The following PCSK2 variants were observed in gnomAD, a reference collection of about 807,000 sequenced individuals.
PCSK2 encodes the protein proprotein convertase subtilisin/kexin type 2, also known as neuroendocrine convertase 2.
A neutral mutation model predicts 69.7 loss-of-function variants in PCSK2; 14 were observed. That is an observed-to-expected ratio of 0.20 (90% CI 0.13 to 0.31). PCSK2 has a LOEUF of 0.31. Ranked by LOEUF, PCSK2 falls within the 10% of genes least tolerant of loss-of-function variation. The pLI is 1.00. For missense variants in PCSK2, 544 were observed against 842.5 expected, an observed-to-expected ratio of 0.65 and a Z score of 4.39; for synonymous variants, 307 against 320.7, an observed-to-expected ratio of 0.96 and a Z score of 0.46.
At chr20:17,347,797 A>AAAG (rs1208471164) in intron 2 of PCSK2, among the ~76,000 whole-genome samples, 2 of 75,424 alleles carry the variant, frequency 2.7e-5, no homozygotes, top group African/African-American at 5.3e-5. Flanking sequence ...CGAAAGAAAG[A>AAAG]AAGAAAGAAA....
intron 11 of PCSK2, among the ~76,000 whole-genome samples, chr20:17,474,096 G>A (rs1397884420): frequency 3.3e-5 from 5 of 152,284 alleles, no homozygotes; most frequent in Middle Eastern, 3.4e-3. Context: ...GGCTAAGGGG[G>A]TTTCAGTAGA....
intron 2 of PCSK2, among the ~76,000 whole-genome samples, chr20:17,352,412 C>A (rs1202672408): frequency 6.6e-6 from 1 of 152,116 alleles, no homozygotes; most frequent in Non-Finnish European, 1.5e-5. Flanking sequence ...GCAAAAAGAA[C>A]AAAGCTGGAG....
At chr20:17,419,988 A>G (rs1339893188) in intron 6 of PCSK2, among the ~76,000 whole-genome samples, 1 of 152,232 alleles carries the variant, frequency 6.6e-6, no homozygotes, top group Non-Finnish European at 1.5e-5. Flanking sequence ...GGAAGAGAGA[A>G]GACATTTATT....
rs80308773 is a variant in PCSK2, at chr20:17,373,220, C to T, written c.543+3943C>T. Among the ~76,000 whole-genome samples the T allele has an allele frequency of 4.5e-3, 679 of 152,272 alleles. 5 individuals are homozygous for T. Among genetic ancestry groups the T allele is most frequent in the African/African-American group, 0.016 (645 of 41,550 alleles). ...GAATGAGTCCGGGAAGGAAAGGTAGCTTGTAAACGGGGCAGTTATCAAACA... is the reference window on the plus strand; with the variant it reads ...GAATGAGTCCGGGAAGGAAAGGTAGTTTGTAAACGGGGCAGTTATCAAACA... On this transcript the variant is annotated intron_variant, in intron 5 of 11. Transcript: ENST00000262545.
chr20:17,410,627 G>A (rs755705790), intron 6 of PCSK2, among the ~76,000 whole-genome samples: 4 of 152,254 alleles, frequency 2.6e-5, no homozygotes, highest in Non-Finnish European at 5.9e-5. Flanking sequence ...GCTTGGAGGT[G>A]TGTGTTTAGA....
chr20:17,279,113 G>A (rs1323814566), intron 2 of PCSK2, among the ~76,000 whole-genome samples: 3 of 152,062 alleles, frequency 2.0e-5, no homozygotes, highest in Non-Finnish European at 2.9e-5. Context: ...GATAGTGTTG[G>A]ATTCCTCTTT....
At chr20:17,303,290 G>T (rs1989151477) in intron 2 of PCSK2, among the ~76,000 whole-genome samples, 1 of 133,880 alleles carries the variant, frequency 7.5e-6, no homozygotes, top group Admixed American at 8.1e-5. Flanking sequence ...TCTATTACAT[G>T]TATATTATAT....
At chr20:17,364,801 A>G (rs1470188804) in intron 4 of PCSK2, among the ~76,000 whole-genome samples, 1 of 152,204 alleles carries the variant, frequency 6.6e-6, no homozygotes, top group Non-Finnish European at 1.5e-5. Flanking sequence ...TTGCTCATGC[A>G]GTTATGATGT....
At chr20:17,440,598 C>T (rs1390533130) in intron 8 of PCSK2, among the ~76,000 whole-genome samples, 10 of 152,114 alleles carry the variant, frequency 6.6e-5, no homozygotes, top group African/African-American at 9.7e-5. Flanking sequence ...TAGTGGCTCA[C>T]GCCTGTAATC....
chr20:17,354,765 C>A (rs1307766662), intron 2 of PCSK2, among the ~76,000 whole-genome samples: 1 of 151,888 alleles, frequency 6.6e-6, no homozygotes, highest in Non-Finnish European at 1.5e-5. Flanking sequence ...TGGTAGGATA[C>A]TCAGTGAAAA....
chr20:17,426,929 C>T (rs2032260281), intron 6 of PCSK2, among the ~76,000 whole-genome samples: 1 of 152,170 alleles, frequency 6.6e-6, no homozygotes, highest in Non-Finnish European at 1.5e-5. Context: ...TACCTCGTGG[C>T]CCAGCCATAT....
At chr20:17,257,472 A>C (rs1395997587) in intron 1 of PCSK2, among the ~76,000 whole-genome samples, 1 of 152,174 alleles carries the variant, frequency 6.6e-6, no homozygotes, top group African/African-American at 2.4e-5. Context: ...ATACATGCAC[A>C]CATATGTTTA....
chr20:17,316,664 A>G (rs1989698699), intron 2 of PCSK2, among the ~76,000 whole-genome samples: 1 of 152,222 alleles, frequency 6.6e-6, no homozygotes, highest in Admixed American at 6.5e-5. Context: ...AAGTTAGAAT[A>G]ATAACGCAGC....
At chr20:17,259,690 A>T (rs969253728) in intron 1 of PCSK2, among the ~76,000 whole-genome samples, 8 of 152,198 alleles carry the variant, frequency 5.3e-5, no homozygotes, top group African/African-American at 1.9e-4. Flanking sequence ...GGGAAACCAG[A>T]CCTGCCATCC....
chr20:17,253,980 T>C (rs185571401), intron 1 of PCSK2, among the ~76,000 whole-genome samples: 7 of 152,338 alleles, frequency 4.6e-5, no homozygotes, highest in African/African-American at 1.7e-4. Flanking sequence ...ATGTTGAACA[T>C]CTTTCTGTAT....
At chr20:17,334,027 C>T (rs1990281613) in intron 2 of PCSK2, among the ~76,000 whole-genome samples, 1 of 150,272 alleles carries the variant, frequency 6.7e-6, no homozygotes, top group South Asian at 2.1e-4. Context: ...CCTGAAGAAG[C>T]AGAGACCCAG....
chr20:17,446,762 A>G (rs2032706153), intron 8 of PCSK2, among the ~76,000 whole-genome samples: 2 of 152,368 alleles, frequency 1.3e-5, no homozygotes, highest in South Asian at 4.1e-4. Context: ...ACATTGTTTC[A>G]TGTGCAATTT....
intron 1 of PCSK2, among the ~76,000 whole-genome samples, chr20:17,230,053 G>A (rs6111464): frequency 6.6e-6 from 1 of 152,164 alleles, no homozygotes; most frequent in African/African-American, 2.4e-5. Flanking sequence ...CAGCCTTGAA[G>A]GAAACTTCCT....
chr20:17,383,501 G>T (rs1463982486), intron 5 of PCSK2, among the ~76,000 whole-genome samples: 1 of 152,200 alleles, frequency 6.6e-6, no homozygotes, highest in African/African-American at 2.4e-5. Flanking sequence ...CAGCAGGAAT[G>T]ATTCCCTTGA....
Sources: gnomAD v4.1 joint callset for allele counts (sites outside exome capture counted in the v4.1 genomes callset) on GRCh38, gnomAD v4.1.1 for gene constraint, MANE v1.5 for transcripts, NCBI Gene and HGNC (gene_info 2026-07-23, HGNC 2026-07-21) for gene names.